The following ENTREP2 variants were observed in gnomAD, a reference collection of about 807,000 sequenced individuals.
The protein encoded by ENTREP2 is protein ENTREP2.
chr15:29,381,820 C>A, the ENTREP2 span: 6 of 1,551,568 alleles, frequency 3.9e-6, no homozygotes, highest in Non-Finnish European at 5.2e-6. Flanking sequence ...CTATGAGTCC[C>A]GACAGCAGCA....
At chr15:29,396,976 A>C in the ENTREP2 span, among the ~76,000 whole-genome samples, 1 of 152,230 alleles carries the variant, frequency 6.6e-6, no homozygotes, top group Non-Finnish European at 1.5e-5. Context: ...AGAAATTAAA[A>C]TTAGTTCCCT....
chr15:29,344,722 C>T, the ENTREP2 span, among the ~76,000 whole-genome samples: 2 of 152,030 alleles, frequency 1.3e-5, no homozygotes, highest in African/African-American at 4.8e-5. Context: ...AGACTGCATT[C>T]GGTCCTGGGA....
chr15:29,455,870 A>C, the ENTREP2 span, among the ~76,000 whole-genome samples: 1 of 152,216 alleles, frequency 6.6e-6, no homozygotes, highest in East Asian at 1.9e-4. Flanking sequence ...GTGCATGTAA[A>C]GGATCTAGGT....
the ENTREP2 span, among the ~76,000 whole-genome samples, chr15:29,382,914 A>G: frequency 1.3e-5 from 2 of 152,266 alleles, no homozygotes; most frequent in East Asian, 1.9e-4. Context: ...GCAGTCACCA[A>G]GTGCGACAGA....
chr15:29,649,913 A>G, the ENTREP2 span, among the ~76,000 whole-genome samples: 1 of 152,128 alleles, frequency 6.6e-6, no homozygotes, highest in Non-Finnish European at 1.5e-5. Context: ...TACCACGGAT[A>G]AGAGTTGGTG....
chr15:29,213,140 G>A, the ENTREP2 span, among the ~76,000 whole-genome samples: 21 of 152,182 alleles, frequency 1.4e-4, no homozygotes, highest in South Asian at 3.9e-3. Flanking sequence ...GTTCTGTTCC[G>A]TTGGTCTACA....
the ENTREP2 span, among the ~76,000 whole-genome samples, chr15:29,617,146 G>A: frequency 5.3e-5 from 8 of 152,124 alleles, no homozygotes; most frequent in South Asian, 2.1e-4. Flanking sequence ...GAAGTCCCAC[G>A]GCAGGCTGTC....
At chr15:29,443,040 G>C in the ENTREP2 span, among the ~76,000 whole-genome samples, 2 of 152,186 alleles carry the variant, frequency 1.3e-5, no homozygotes, top group Non-Finnish European at 2.9e-5. Context: ...GCGAAGGAGG[G>C]AAGCCGCATG....
the ENTREP2 span, among the ~76,000 whole-genome samples, chr15:29,284,972 A>C: frequency 6.6e-6 from 1 of 152,210 alleles, no homozygotes; most frequent in Non-Finnish European, 1.5e-5. Context: ...TCCTAGCCCC[A>C]ATCTCAGCAT....
chr15:29,649,057 T>TGTACACACACACAC, the ENTREP2 span, among the ~76,000 whole-genome samples: 3 of 144,972 alleles, frequency 2.1e-5, no homozygotes, highest in African/African-American at 7.6e-5. Context: ...GGGACACATG[T>TGTACACACACACAC]ACACACACAC....
At chr15:29,590,503 A>G in the ENTREP2 span, among the ~76,000 whole-genome samples, 1 of 151,690 alleles carries the variant, frequency 6.6e-6, no homozygotes, top group Non-Finnish European at 1.5e-5. Flanking sequence ...ACCAACATGG[A>G]GAAACCCCGT....
the ENTREP2 span, among the ~76,000 whole-genome samples, chr15:29,551,219 G>T: frequency 6.6e-6 from 1 of 152,114 alleles, no homozygotes; most frequent in Non-Finnish European, 1.5e-5. Flanking sequence ...CAGGCATATG[G>T]CTTGGCTTTG....
the ENTREP2 span, chr15:29,234,128 G>A: frequency 2.0e-6 from 3 of 1,538,052 alleles, no homozygotes; most frequent in South Asian, 2.2e-5. Context: ...TGACACATTG[G>A]GACTCTGCTC....
At chr15:29,382,086 G>C in the ENTREP2 span, among the ~76,000 whole-genome samples, 1 of 152,054 alleles carries the variant, frequency 6.6e-6, no homozygotes, top group African/African-American at 2.4e-5. Context: ...CAGGCTTTCT[G>C]AAACACCCCA....
the ENTREP2 span, among the ~76,000 whole-genome samples, chr15:29,505,586 A>C: frequency 6.6e-6 from 1 of 152,342 alleles, no homozygotes; most frequent in South Asian, 2.1e-4. This position sits in a 1 kb window ranked among gnomAD's most constrained non-coding sequence, Gnocchi z 4.3. Context: ...GCTGTTCAGC[A>C]GCCTCCGCTG....
the ENTREP2 span, among the ~76,000 whole-genome samples, chr15:29,391,159 G>A: frequency 1.3e-5 from 2 of 151,790 alleles, no homozygotes; most frequent in African/African-American, 2.4e-5. Context: ...AGGCATGCAG[G>A]CCTCTACCAT....
the ENTREP2 span, among the ~76,000 whole-genome samples, chr15:29,535,442 G>T: frequency 6.6e-6 from 1 of 152,048 alleles, no homozygotes; most frequent in Admixed American, 6.6e-5. Flanking sequence ...CCACAACTTT[G>T]GGAGGCTAAG....
the ENTREP2 span, among the ~76,000 whole-genome samples, chr15:29,650,226 C>T: frequency 6.6e-6 from 1 of 151,938 alleles, no homozygotes; most frequent in African/African-American, 2.4e-5. Context: ...GGAAGCCAAT[C>T]ATACTCACTA....
chr15:29,443,085 G>A, the ENTREP2 span, among the ~76,000 whole-genome samples: 52 of 152,302 alleles, frequency 3.4e-4, no homozygotes, highest in Admixed American at 7.2e-4. Context: ...ATTTATGATC[G>A]GCACCTGTGA....
Sources: gnomAD v4.1 joint callset for allele counts (sites outside exome capture counted in the v4.1 genomes callset) on GRCh38, gnomAD v4.1.1 for gene constraint, Gnocchi (gnomAD v3.1) non-coding constraint, MANE v1.5 for transcripts, NCBI Gene and HGNC (gene_info 2026-07-23, HGNC 2026-07-21) for gene names.